Variants in CTNNA3 observed in about 807,000 individuals in gnomAD.
CTNNA3 encodes the protein catenin alpha-3.
In CTNNA3, 76 loss-of-function variants were observed where a neutral mutation model predicts 95.7. That is an observed-to-expected ratio of 0.79 (90% CI 0.66 to 0.96). The LOEUF is 0.96. CTNNA3 is among the 40% of genes least tolerant of loss of function. The probability of loss-of-function intolerance (pLI) is 0.00; values close to 1 mark genes in which losing one functional copy is unlikely to be tolerated. For missense variants in CTNNA3, 1,191 were observed against 1,089.8 expected (o/e 1.09, Z -1.31); for synonymous variants, 431 against 374.4 (o/e 1.15, Z -1.74).
chr10:65,991,360 A>C (rs773567386), intron 15 of CTNNA3, among the ~76,000 whole-genome samples: 1 of 152,026 alleles, frequency 6.6e-6, no homozygotes, highest in Non-Finnish European at 1.5e-5. Context: ...GGTAGTATGG[A>C]TATTTTGACA....
At chr10:66,678,654 G>A (rs10997296) in intron 9 of CTNNA3, among the ~76,000 whole-genome samples, 21,510 of 152,128 alleles carry the variant, frequency 0.14, 1,978 homozygotes, top group African/African-American at 0.25. Flanking sequence ...ATGACTATCT[G>A]GTGATCTGGC....
chr10:66,794,086 G>T (rs755491227), intron 7 of CTNNA3, among the ~76,000 whole-genome samples: 1 of 152,106 alleles, frequency 6.6e-6, no homozygotes, highest in Admixed American at 6.6e-5. Context: ...GCCAGAAATA[G>T]ATCCTGAAAA....
intron 7 of CTNNA3, among the ~76,000 whole-genome samples, chr10:66,782,351 C>T (rs992727774): frequency 2.6e-5 from 4 of 152,000 alleles, no homozygotes; most frequent in African/African-American, 9.7e-5. Context: ...GGCTGATTTC[C>T]CTGTGCTTTT....
intron 5 of CTNNA3, among the ~76,000 whole-genome samples, chr10:67,418,283 A>G (rs1431724049): frequency 6.6e-6 from 1 of 152,170 alleles, no homozygotes; most frequent in Non-Finnish European, 1.5e-5. Flanking sequence ...TGCAACTATT[A>G]TAAGAAATAG....
At chr10:66,981,567 T>C (rs563031019) in intron 7 of CTNNA3, among the ~76,000 whole-genome samples, 201 of 152,326 alleles carry the variant, frequency 1.3e-3, no homozygotes, top group Non-Finnish European at 2.4e-3. Context: ...CACATTTTCT[T>C]CCTTCTGTAG....
At chr10:67,586,409 G>A (rs1325003211) in intron 3 of CTNNA3, among the ~76,000 whole-genome samples, 2 of 152,060 alleles carry the variant, frequency 1.3e-5, no homozygotes, top group African/African-American at 2.4e-5. Flanking sequence ...GGAGTAGGGT[G>A]TTGAAGTCCC....
chr10:66,087,559 C>G (rs1260085081), intron 14 of CTNNA3, among the ~76,000 whole-genome samples: 2 of 152,112 alleles, frequency 1.3e-5, no homozygotes, highest in African/African-American at 4.8e-5. Flanking sequence ...GACATTTTAG[C>G]TAAGGACCAG....
At chr10:66,843,395 C>A (rs74956734) in intron 7 of CTNNA3, among the ~76,000 whole-genome samples, 5,647 of 152,176 alleles carry the variant, frequency 0.037, 356 homozygotes, top group African/African-American at 0.13. Context: ...GTATAAGAAT[C>A]AGGAGCAAAA....
At chr10:66,887,698 A>C (rs901850335) in intron 7 of CTNNA3, among the ~76,000 whole-genome samples, 2 of 152,158 alleles carry the variant, frequency 1.3e-5, no homozygotes, top group Non-Finnish European at 2.9e-5. Context: ...TTGTAACTTC[A>C]ACTCCCTGAA....
At chr10:66,225,123 C>A (rs2089201173) in intron 13 of CTNNA3, among the ~76,000 whole-genome samples, 1 of 151,704 alleles carries the variant, frequency 6.6e-6, no homozygotes, top group Non-Finnish European at 1.5e-5. Context: ...TGCTATAGAA[C>A]CCTATAACCT....
chr10:67,216,310 G>T (rs1864358000), intron 6 of CTNNA3, among the ~76,000 whole-genome samples: 1 of 152,146 alleles, frequency 6.6e-6, no homozygotes, highest in Non-Finnish European at 1.5e-5. Flanking sequence ...TCTTTGTGCT[G>T]CCTTACCACA....
intron 2 of CTNNA3, among the ~76,000 whole-genome samples, chr10:67,612,519 T>G (rs1413669749): frequency 6.6e-6 from 1 of 152,116 alleles, no homozygotes; most frequent in Non-Finnish European, 1.5e-5. Flanking sequence ...AAATAGCAGA[T>G]AGCCAAACTT....
chr10:66,019,064 G>T (rs2079149207), intron 15 of CTNNA3, among the ~76,000 whole-genome samples: 1 of 151,966 alleles, frequency 6.6e-6, no homozygotes, highest in Admixed American at 6.5e-5. Context: ...TAACCAAATG[G>T]CTAAACTAAC....
chr10:66,647,462 T>G (rs1180212607), intron 9 of CTNNA3, among the ~76,000 whole-genome samples: 1 of 152,106 alleles, frequency 6.6e-6, no homozygotes, highest in Non-Finnish European at 1.5e-5. Context: ...GTAGTTAACA[T>G]TTAAGTAATT....
chr10:65,985,162 G>T (rs891179574), intron 16 of CTNNA3, among the ~76,000 whole-genome samples: 3 of 150,874 alleles, frequency 2.0e-5, no homozygotes, highest in Non-Finnish European at 3.0e-5. Context: ...TTTTCCAAGA[G>T]AGTATAAACA....
intron 7 of CTNNA3, among the ~76,000 whole-genome samples, chr10:66,823,801 G>C (rs1209932934): frequency 6.6e-6 from 1 of 152,098 alleles, no homozygotes. Context: ...AAATAGCAAG[G>C]CTTAGGACAG....
chr10:66,771,538 T>A (rs907898275), intron 8 of CTNNA3, among the ~76,000 whole-genome samples: 4 of 151,834 alleles, frequency 2.6e-5, no homozygotes, highest in Non-Finnish European at 5.9e-5. Flanking sequence ...CACTGGGAGG[T>A]TCTGAAAGTG....
chr10:66,604,102 G>T (rs570496540), intron 10 of CTNNA3, among the ~76,000 whole-genome samples: 2 of 151,940 alleles, frequency 1.3e-5, no homozygotes, highest in East Asian at 3.9e-4. Flanking sequence ...AGTTAAAAAA[G>T]CTACTGCATA....
chr10:67,680,895 G>A (rs78018089), intron 1 of CTNNA3, among the ~76,000 whole-genome samples: 18,558 of 152,020 alleles, frequency 0.12, 1,268 homozygotes, highest in Non-Finnish European at 0.16. Flanking sequence ...ATCAACCACC[G>A]GAGGCACTTC....
Sources: allele counts gnomAD v4.1 joint callset (sites outside exome capture counted in the v4.1 genomes callset), GRCh38; gene constraint gnomAD v4.1.1; transcripts MANE v1.5; gene names NCBI Gene and HGNC (gene_info 2026-07-23, HGNC 2026-07-21).